Variants in RIMS1 observed in about 807,000 individuals in gnomAD.
RIMS1 encodes regulating synaptic membrane exocytosis protein 1.
A neutral mutation model predicts 214.1 loss-of-function variants in RIMS1; 83 were observed. The observed-to-expected ratio is 0.39, with a 90% CI of 0.32 to 0.47. RIMS1 has a LOEUF of 0.47. Ranked by LOEUF, RIMS1 falls within the 20% of genes least tolerant of loss-of-function variation. The pLI, the probability that RIMS1 is intolerant of heterozygous loss-of-function variation, is 0.99. For synonymous variants in RIMS1, 793 were observed against 786.8 expected, an observed-to-expected ratio of 1.01 and a Z score of -0.13; for missense variants, 2,050 against 2,161.8, an observed-to-expected ratio of 0.95 and a Z score of 1.03.
At chr6:72,355,450 G>A (rs567273979) in intron 29 of RIMS1, among the ~76,000 whole-genome samples, 22 of 152,208 alleles carry the variant, frequency 1.4e-4, no homozygotes, top group African/African-American at 5.1e-4. Context: ...TATATTTGGG[G>A]TTGTAAAGAT....
At chr6:72,381,956 G>A (rs2098498321) in intron 29 of RIMS1, among the ~76,000 whole-genome samples, 1 of 152,152 alleles carries the variant, frequency 6.6e-6, no homozygotes, top group African/African-American at 2.4e-5. Flanking sequence ...AAGTGGATAA[G>A]TACATCACTA....
chr6:72,110,834 T>C (rs1186038554), intron 4 of RIMS1, among the ~76,000 whole-genome samples: 2 of 152,202 alleles, frequency 1.3e-5, no homozygotes, highest in Non-Finnish European at 2.9e-5. Context: ...ATATTGGCTG[T>C]GGATTTGTCA....
chr6:72,073,184 G>A (rs1227703554), intron 2 of RIMS1, among the ~76,000 whole-genome samples: 1 of 151,822 alleles, frequency 6.6e-6, no homozygotes, highest in Non-Finnish European at 1.5e-5. Flanking sequence ...ATTTTTAGGG[G>A]GTTTTGTTTT....
At chr6:72,196,391 CTA>C (rs2153986468) in intron 6 of RIMS1, among the ~76,000 whole-genome samples, 1 of 151,208 alleles carries the variant, frequency 6.6e-6, no homozygotes, top group East Asian at 2.0e-4. Flanking sequence ...ATCTATCTAT[CTA>C]TCTATCTATC....
intron 6 of RIMS1, among the ~76,000 whole-genome samples, chr6:72,184,801 AG>A (rs1231447678): frequency 1.3e-5 from 2 of 151,998 alleles, no homozygotes. Flanking sequence ...TTTAGTAGTA[AG>A]GAAGAGAAGC....
chr6:72,207,748 G>T (rs527629431), intron 6 of RIMS1, among the ~76,000 whole-genome samples: 1 of 152,106 alleles, frequency 6.6e-6, no homozygotes, highest in East Asian at 1.9e-4. Context: ...GAAATTAAAC[G>T]TAGGCAAAAC....
intron 6 of RIMS1, among the ~76,000 whole-genome samples, chr6:72,211,324 C>G (rs2053771506): frequency 1.3e-5 from 2 of 152,168 alleles, no homozygotes; most frequent in Admixed American, 6.5e-5. Context: ...GGGCAGTCTT[C>G]ATTCTGTAGT....
At position 71,923,572 on chromosome 6, in the gene RIMS1, C is replaced by CT. The variant is rs1173174051; in HGVS notation, c.164+36397dup. On this transcript the variant is annotated intron_variant, in intron 1 of 33. Coordinates refer to ENST00000521978, the MANE Select transcript of RIMS1 (RefSeq NM_014989.7). Reference sequence around the variant, plus strand: ...TACTATACCTCTTTTTGTGACTTTTCTTTTTTTTTTTTGAGACAGAGTTTC... The same window carrying CT: ...TACTATACCTCTTTTTGTGACTTTTCTTTTTTTTTTTTTGAGACAGAGTTTC... 4.6e-3 allele frequency among the ~76,000 whole-genome samples: 669 copies of CT among 146,096 alleles called. 4 individuals carry two copies. Among genetic ancestry groups the CT allele is most frequent in the African/African-American group, 0.012 (468 of 40,026 alleles).
At chr6:71,906,487 G>T (rs1014673821) in intron 1 of RIMS1, among the ~76,000 whole-genome samples, 3 of 152,008 alleles carry the variant, frequency 2.0e-5, no homozygotes, top group African/African-American at 7.2e-5. Flanking sequence ...TTAAATAAAG[G>T]TTACACAGCA....
chr6:71,981,607 G>T (rs762520949), intron 2 of RIMS1, among the ~76,000 whole-genome samples: 1 of 152,076 alleles, frequency 6.6e-6, no homozygotes, highest in Non-Finnish European at 1.5e-5. Flanking sequence ...GTACAAAATT[G>T]CCATTGGTAA....
intron 2 of RIMS1, among the ~76,000 whole-genome samples, chr6:71,983,694 G>A (rs1281508764): frequency 3.9e-5 from 6 of 152,168 alleles, no homozygotes; most frequent in Admixed American, 3.9e-4. Flanking sequence ...ATGCTCAGAT[G>A]TGGAGCACAG....
chr6:71,987,754 A>G (rs896088692), intron 2 of RIMS1, among the ~76,000 whole-genome samples: 1 of 152,194 alleles, frequency 6.6e-6, no homozygotes, highest in Non-Finnish European at 1.5e-5. Flanking sequence ...TTATTAGTCA[A>G]GGGTTTGAAG....
At chr6:72,083,693 T>C (rs566498660) in intron 2 of RIMS1, among the ~76,000 whole-genome samples, 1 of 152,318 alleles carries the variant, frequency 6.6e-6, no homozygotes, top group African/African-American at 2.4e-5. Flanking sequence ...CTAATATTTA[T>C]TGAGCTTTTA....
chr6:72,382,283 C>CA (rs1402690162), intron 29 of RIMS1, among the ~76,000 whole-genome samples: 2 of 152,102 alleles, frequency 1.3e-5, no homozygotes, highest in African/African-American at 4.8e-5. Flanking sequence ...AAAATATATT[C>CA]AAAAACCTTG....
chr6:72,198,433 T>G (rs1489114505), intron 6 of RIMS1, among the ~76,000 whole-genome samples: 1 of 151,910 alleles, frequency 6.6e-6, no homozygotes, highest in African/African-American at 2.4e-5. Flanking sequence ...CACTCATATG[T>G]GGGAGCTAAT....
At chr6:72,043,923 G>A (rs1822211180) in intron 2 of RIMS1, among the ~76,000 whole-genome samples, 3 of 151,500 alleles carry the variant, frequency 2.0e-5, no homozygotes, top group South Asian at 2.1e-4. Context: ...ACCCCTGTGT[G>A]TATATTTTGG....
Position 72,288,438 on chromosome 6 carries a change from C to CTGT in RIMS1, c.3555-2239_3555-2237dup, listed in dbSNP as rs1184608209. ...TATATTGATGCTCAGTAAGGAATAG[C>CTGT]TGTTACTGTTATGTTATTTATCCAT... On this transcript the variant is annotated intron_variant, in intron 24 of 33. Transcript: ENST00000521978. 2.6e-5 allele frequency among the ~76,000 whole-genome samples: 4 copies of CTGT among 152,108 alleles called. 1 individual carries two copies. The highest frequency in any genetic ancestry group is 2.6e-4 in the Admixed American group (4 of 15,258).
intron 2 of RIMS1, among the ~76,000 whole-genome samples, chr6:72,063,406 A>C (rs761214841): frequency 1.1e-4 from 16 of 152,184 alleles, no homozygotes; most frequent in Non-Finnish European, 2.2e-4. Flanking sequence ...ACAATACCTG[A>C]AACAATAAGT....
chr6:72,123,756 C>T lies in RIMS1; in HGVS notation c.471+23770C>T, dbSNP rs1432335545. 7.3e-5 allele frequency among the ~76,000 whole-genome samples: 11 copies of T among 151,608 alleles called. 2 individuals are homozygous for T. The highest frequency in any genetic ancestry group is 1.6e-4 in the Non-Finnish European group (11 of 67,794). On this transcript the variant is annotated intron_variant, in intron 4 of 33. Transcript: ENST00000521978. Reference sequence around the variant, plus strand: ...CTTCTTTGTCTCTTTTGATCTTTGTCAGTTTAAAGTCTGTTTTATCAGAGA... The same window carrying T: ...CTTCTTTGTCTCTTTTGATCTTTGTTAGTTTAAAGTCTGTTTTATCAGAGA...
Sources: allele counts gnomAD v4.1 joint callset (sites outside exome capture counted in the v4.1 genomes callset), GRCh38; gene constraint gnomAD v4.1.1; transcripts MANE v1.5; gene names NCBI Gene and HGNC (gene_info 2026-07-23, HGNC 2026-07-21).